The following ASAP2 variants were observed in gnomAD, a reference collection of about 807,000 sequenced individuals.
ASAP2 encodes the protein ArfGAP with SH3 domain, ankyrin repeat and PH domain 2.
ASAP2 carries 45 observed loss-of-function variants against 131.4 expected under a neutral mutation model. That is an observed-to-expected ratio of 0.34 (90% CI 0.27 to 0.44). The LOEUF is 0.44. Ranked by LOEUF, ASAP2 falls within the 20% of genes least tolerant of loss-of-function variation. ASAP2 has a pLI of 1.00. For synonymous variants in ASAP2, 510 were observed against 503.0 expected, an observed-to-expected ratio of 1.01 and a Z score of -0.19; for missense variants, 1,011 against 1,297.0, an observed-to-expected ratio of 0.78 and a Z score of 3.39.
chr2:9,319,907 G>C (rs1441092091), intron 4 of ASAP2, among the ~76,000 whole-genome samples: 1 of 152,182 alleles, frequency 6.6e-6, no homozygotes, highest in African/African-American at 2.4e-5. Flanking sequence ...CTATCAATTA[G>C]AGTTCCTTTC....
chr2:9,345,850 A>G (rs1169464604), intron 11 of ASAP2, among the ~76,000 whole-genome samples: 1 of 152,172 alleles, frequency 6.6e-6, no homozygotes, highest in African/African-American at 2.4e-5. Context: ...ATAAGGGAAT[A>G]GAGTAAAACC....
At chr2:9,251,222 G>T (rs1374226831) in intron 1 of ASAP2, among the ~76,000 whole-genome samples, 1 of 152,246 alleles carries the variant, frequency 6.6e-6, no homozygotes, top group East Asian at 1.9e-4. Context: ...TCCGCAAGTA[G>T]AGGTGGGCCC....
intron 1 of ASAP2, among the ~76,000 whole-genome samples, chr2:9,216,282 AT>A (rs113751391): frequency 0.014 from 1,746 of 123,726 alleles, 19 homozygotes; most frequent in African/African-American, 0.034. Context: ...GTCAGTTCAT[AT>A]TTTTTTTTTT....
chr2:9,344,588 G>C lies in ASAP2; in HGVS notation c.906G>C (p.Lys302Asn). 1 of 1,614,196 alleles carries C rather than the reference G, an allele frequency of 6.2e-7. No individual in the cohort carries two copies. The highest frequency in any genetic ancestry group is 1.1e-5 in the South Asian group (1 of 91,082). The change falls in exon 10 of 28, where the codon AAG becomes AAC. Residue 302 changes from lysine (K) to asparagine (N), a missense_variant. Physicochemically the swap from Lys to Asn is moderately conservative, Grantham distance 94. Transcript: ENST00000281419. The stretch of plus-strand genomic sequence containing the variant: ...GCTTACATCAGCCTCAGGGAAACAA[G>C]GAACATGGGACCGAGCGGAACGGCA... ...AYSLHQPQGN[K>N]EHGTERNGSL...
At chr2:9,326,208 T>G (rs547839605) in intron 6 of ASAP2, among the ~76,000 whole-genome samples, 1 of 152,276 alleles carries the variant, frequency 6.6e-6, no homozygotes, top group East Asian at 1.9e-4. Flanking sequence ...TGGTGAGACC[T>G]TGTCTCTACA....
At chr2:9,258,210 AC>A (rs2148181224) in intron 1 of ASAP2, among the ~76,000 whole-genome samples, 1 of 149,956 alleles carries the variant, frequency 6.7e-6, no homozygotes, top group South Asian at 2.1e-4. Flanking sequence ...GTGGGGGCTC[AC>A]GCCTGGCTGG....
In ASAP2 at chr2:9,379,853, A is replaced by G. The variant is rs1214051367; in HGVS notation, c.1948+794A>G. 2.6e-5 allele frequency among the ~76,000 whole-genome samples: 4 copies of G among 152,144 alleles called. No homozygotes were observed. The East Asian group carries it at 5.8e-4, about 22-fold the overall frequency. The stretch of plus-strand genomic sequence containing the variant: ...CTAAAAATACAAAAATTAGCCGGGT[A>G]TGGTGGCGCGCACCTGTAGGCCCAG... On this transcript the variant is annotated intron_variant, in intron 19 of 27. Coordinates refer to ENST00000281419, the MANE Select transcript of ASAP2 (RefSeq NM_003887.3).
At chr2:9,221,104 G>A (rs779292096) in intron 1 of ASAP2, among the ~76,000 whole-genome samples, 2 of 149,698 alleles carry the variant, frequency 1.3e-5, no homozygotes, top group Non-Finnish European at 3.0e-5. Flanking sequence ...TTTCAACTTT[G>A]TTTTTTTTTC....
chr2:9,305,423 G>A (rs1218892162), intron 3 of ASAP2, among the ~76,000 whole-genome samples: 1 of 146,892 alleles, frequency 6.8e-6, no homozygotes, highest in Non-Finnish European at 1.5e-5. Context: ...AGATATTGGT[G>A]GAGAGGCTGT....
At position 9,378,950 on chromosome 2, in the gene ASAP2, C is replaced by A; in HGVS notation, c.1839C>A (p.Asn613Lys). The change falls in exon 19 of 28, where the codon AAC becomes AAA. Residue 613 changes from asparagine to lysine, a missense_variant. By Grantham distance (94) the Asn-to-Lys change is moderately conservative. Around this residue, in one of 2 missense-constraint regions of ASAP2, gnomAD observed 652 missense variants for 698.9 expected, o/e 0.93. Transcript: ENST00000281419. ...IVDFLVQNSG[N>K]LDKQTGKGST... ...TGTTCCTGTTCTCGGGCAGTGGGAACCTGGATAAACAGACAGGGAAAGGCA... is the reference window on the plus strand; with the variant it reads ...TGTTCCTGTTCTCGGGCAGTGGGAAACTGGATAAACAGACAGGGAAAGGCA... 5 of 1,464,398 alleles carry A rather than the reference C, an allele frequency of 3.4e-6. No homozygotes were observed. The highest frequency in any genetic ancestry group is 4.6e-6 in the Non-Finnish European group (5 of 1,098,410). 90.7% of individuals were successfully genotyped at this position (1,464,398 alleles called of 1,614,324 possible).
chr2:9,238,658 T>C (rs984094720), intron 1 of ASAP2, among the ~76,000 whole-genome samples: 2 of 152,178 alleles, frequency 1.3e-5, no homozygotes, highest in Non-Finnish European at 2.9e-5. Flanking sequence ...TCAGGAGTAA[T>C]AAGGTGTTTG....
chr2:9,394,412 C>G lies in ASAP2; in HGVS notation c.2684+765C>G, dbSNP rs1486380850. 2.0e-5 allele frequency among the ~76,000 whole-genome samples: 3 copies of G among 152,112 alleles called. 1 individual carries two copies. Among genetic ancestry groups the G allele is most frequent in the African/African-American group, 7.2e-5 (3 of 41,406 alleles). ...ATCTCCTGACCTCGTGATCCACCTG[C>G]CTCGGCCTCCCAAAGTGCTGGGATT... On this transcript the variant is annotated intron_variant, in intron 24 of 27. Coordinates refer to ENST00000281419, the MANE Select transcript of ASAP2 (RefSeq NM_003887.3).
At chr2:9,368,902 T>A (rs1673699296) in intron 16 of ASAP2, among the ~76,000 whole-genome samples, 1 of 152,144 alleles carries the variant, frequency 6.6e-6, no homozygotes, top group Admixed American at 6.5e-5. Flanking sequence ...AGATATGTGA[T>A]TATGTAGCGT....
chr2:9,335,625 A>C (rs1172960462), intron 9 of ASAP2, among the ~76,000 whole-genome samples: 1 of 152,230 alleles, frequency 6.6e-6, no homozygotes, highest in Non-Finnish European at 1.5e-5. Context: ...AATATGAGGC[A>C]TGAGCTTTTC....
chr2:9,329,175 G>A (rs977577027), intron 7 of ASAP2, among the ~76,000 whole-genome samples: 1 of 152,222 alleles, frequency 6.6e-6, no homozygotes, highest in Non-Finnish European at 1.5e-5. Flanking sequence ...CAGGAAAAAG[G>A]CCAAGGTGAC....
intron 3 of ASAP2, among the ~76,000 whole-genome samples, chr2:9,309,381 A>G (rs1669149764): frequency 6.6e-6 from 1 of 152,218 alleles, no homozygotes; most frequent in Non-Finnish European, 1.5e-5. Flanking sequence ...AGCCAGATGA[A>G]AAGGCGTACA....
intron 15 of ASAP2, among the ~76,000 whole-genome samples, chr2:9,367,252 C>T (rs1010034918): frequency 5.3e-5 from 8 of 151,478 alleles, no homozygotes; most frequent in Non-Finnish European, 1.0e-4. Flanking sequence ...AGGCTAGTCT[C>T]GAACTCCTGA....
intron 1 of ASAP2, among the ~76,000 whole-genome samples, chr2:9,211,988 T>A (rs1004134610): frequency 6.6e-6 from 1 of 152,222 alleles, no homozygotes; most frequent in Non-Finnish European, 1.5e-5. Context: ...CAGAAAATTT[T>A]GAATCACTTA....
intron 1 of ASAP2, among the ~76,000 whole-genome samples, chr2:9,239,281 T>C (rs1221665946): frequency 6.6e-6 from 1 of 152,222 alleles, no homozygotes; most frequent in Non-Finnish European, 1.5e-5. Context: ...TTTGGTGTCA[T>C]CATGTTGGGA....
Sources: gnomAD v4.1 joint callset for allele counts (sites outside exome capture counted in the v4.1 genomes callset) on GRCh38, gnomAD v4.1.1 for gene constraint, gnomAD v4.1.1 regional missense constraint, MANE v1.5 for transcripts, NCBI Gene and HGNC (gene_info 2026-07-23, HGNC 2026-07-21) for gene names.